The following RPE variants were observed in gnomAD, a reference collection of about 807,000 sequenced individuals.
RPE encodes the protein ribulose-5-phosphate-3-epimerase, also known as ribulose-phosphate 3-epimerase.
Under a neutral mutation model 24.6 loss-of-function variants are expected in RPE, and 16 were observed. The ratio of observed to expected loss-of-function variants is 0.65; its 90% CI spans 0.44 to 0.99. RPE has a LOEUF of 0.99. RPE is among the 50% of genes least tolerant of loss of function. The probability of loss-of-function intolerance (pLI) is 0.00; values close to 1 mark genes in which losing one functional copy is unlikely to be tolerated. For synonymous variants in RPE, 93 were observed against 98.4 expected, an observed-to-expected ratio of 0.94 and a Z score of 0.33; for missense variants, 240 against 294.5, an observed-to-expected ratio of 0.81 and a Z score of 1.35.
intron 2 of RPE, 76 bp downstream of exon 2, chr2:210,009,812 C>T: frequency 1.9e-6 from 3 of 1,586,234 alleles, no homozygotes; most frequent in Non-Finnish European, 2.6e-6. Flanking sequence ...ATTTTAACTT[C>T]CAAGTTCATC....
At chr2:210,013,738 C>T (rs991233657) in intron 2 of RPE, among the ~76,000 whole-genome samples, 3 of 152,272 alleles carry the variant, frequency 2.0e-5, no homozygotes, top group Admixed American at 2.0e-4. Flanking sequence ...CTCAAGCAAT[C>T]CACTTGCCTT....
intron 2 of RPE, among the ~76,000 whole-genome samples, chr2:210,010,376 A>T (rs758736713): frequency 6.6e-6 from 1 of 152,204 alleles, no homozygotes; most frequent in African/African-American, 2.4e-5. Context: ...CACCTGCCAG[A>T]TCTCTTAAAC....
At chr2:210,003,736 G>A (rs919687952) in intron 1 of RPE, among the ~76,000 whole-genome samples, 3 of 152,214 alleles carry the variant, frequency 2.0e-5, no homozygotes, top group African/African-American at 7.2e-5. Flanking sequence ...TTTTAAATAG[G>A]TAAAAACCCT....
At chr2:210,015,744 CTG>C (rs1436981141) in intron 2 of RPE, among the ~76,000 whole-genome samples, 3 of 152,130 alleles carry the variant, frequency 2.0e-5, no homozygotes, top group African/African-American at 7.2e-5. Context: ...ATATACAGCA[CTG>C]TATGCTTTTT....
chr2:210,017,986 C>G (rs2093801919), intron 5 of RPE: 1 of 664,910 alleles, frequency 1.5e-6, no homozygotes, highest in South Asian at 2.0e-5. Flanking sequence ...CTCAAGTGAC[C>G]TGCCTGCCTC....
intron 5 of RPE, chr2:210,018,069 A>G (rs779788072): frequency 5.8e-6 from 8 of 1,374,546 alleles, no homozygotes; most frequent in East Asian, 5.0e-5. Flanking sequence ...CTAAAATCAC[A>G]TAAATTGTTA....
chr2:210,019,524 T>G (rs2093828711), intron 5 of RPE, 145 bp from the exon 6 acceptor site: 1 of 861,270 alleles, frequency 1.2e-6, no homozygotes, highest in East Asian at 2.9e-5. Context: ...TGAACTAGAT[T>G]GCTTAAGTCT....
At chr2:210,009,174 G>A (rs1406157761) in intron 1 of RPE, among the ~76,000 whole-genome samples, 2 of 152,182 alleles carry the variant, frequency 1.3e-5, no homozygotes, top group South Asian at 2.1e-4. Flanking sequence ...AAAGGTGGTC[G>A]TTACTAATAA....
intron 2 of RPE, among the ~76,000 whole-genome samples, chr2:210,013,979 C>G (rs1432776889): frequency 6.6e-6 from 1 of 152,180 alleles, no homozygotes; most frequent in Non-Finnish European, 1.5e-5. Flanking sequence ...TCCCTGAACA[C>G]CATAGAACTT....
chr2:210,018,427 C>A, intron 5 of RPE: 1 of 983,320 alleles, frequency 1.0e-6, no homozygotes, highest in Non-Finnish European at 1.2e-6. Context: ...GCTAGTCTAG[C>A]ATAGTCAGGC....
intron 1 of RPE, among the ~76,000 whole-genome samples, chr2:210,008,771 C>T (rs1325841504): frequency 1.3e-5 from 2 of 152,174 alleles, no homozygotes; most frequent in Non-Finnish European, 2.9e-5. Flanking sequence ...TCTTGGCTCA[C>T]TGCACCCTCC....
chr2:210,018,410 T>C (rs2093809217), intron 5 of RPE: 1 of 984,734 alleles, frequency 1.0e-6, no homozygotes, highest in Non-Finnish European at 1.2e-6. Context: ...TTTTTTTTTT[T>C]CAGATAGCTA....
In RPE at chr2:210,009,743, G is replaced by T. The variant is rs995783376; in HGVS notation, c.202+7G>T. The T allele has an allele frequency of 2.5e-6, 4 of 1,613,980 alleles. No individual in the cohort carries two copies. The Admixed American group carries it at 5.0e-5, about 20-fold the overall frequency. ...GGCCAGGACCCTTTCTTTGGTAAGTGGGTGTTACGCCATCTGAAGCTGGAT... is the reference window on the plus strand; with the variant it reads ...GGCCAGGACCCTTTCTTTGGTAAGTTGGTGTTACGCCATCTGAAGCTGGAT... On this transcript the variant is annotated splice_region_variant and intron_variant, in intron 2 of 5. Coordinates refer to ENST00000359429, the MANE Select transcript of RPE (RefSeq NM_199229.3).
At chr2:210,004,201 T>G (rs2125049263) in intron 1 of RPE, among the ~76,000 whole-genome samples, 1 of 152,292 alleles carries the variant, frequency 6.6e-6, no homozygotes, top group South Asian at 2.1e-4. Flanking sequence ...GTGAGTCTAT[T>G]TGAGCAATTT....
At chr2:210,004,595 G>A (rs2093605541) in intron 1 of RPE, among the ~76,000 whole-genome samples, 1 of 152,210 alleles carries the variant, frequency 6.6e-6, no homozygotes, top group Admixed American at 6.5e-5. Flanking sequence ...AATAATTTGT[G>A]TATTTATTTC....
Position 210,009,751 on chromosome 2 carries a change from C to T in RPE, c.202+15C>T, listed in dbSNP as rs372790805. ...CCCTTTCTTTGGTAAGTGGGTGTTA[C>T]GCCATCTGAAGCTGGATGTGTTGCT... is the stretch of plus-strand genomic sequence containing the variant. On this transcript the variant is annotated intron_variant, in intron 2 of 5. Coordinates refer to ENST00000359429, the MANE Select transcript of RPE (RefSeq NM_199229.3). The T allele has an allele frequency of 1.3e-4, 207 of 1,613,918 alleles. No homozygotes were observed. The highest frequency in any genetic ancestry group is 1.6e-4 in the Non-Finnish European group (185 of 1,179,968).
intron 1 of RPE, among the ~76,000 whole-genome samples, chr2:210,008,886 G>A (rs1023108530): frequency 1.8e-4 from 28 of 151,994 alleles, no homozygotes; most frequent in African/African-American, 6.8e-4. Context: ...AGTAGAGACA[G>A]GGTTTCACTA....
At chr2:210,010,897 G>A (rs1188241968) in intron 2 of RPE, among the ~76,000 whole-genome samples, 1 of 151,638 alleles carries the variant, frequency 6.6e-6, no homozygotes, top group Non-Finnish European at 1.5e-5. Flanking sequence ...CAGCCTGAGT[G>A]ACAGTGTGAC....
In RPE at chr2:210,016,072, C is replaced by T. The variant is rs1283958005; in HGVS notation, c.302C>T (p.Pro101Leu). 8 of 1,614,074 alleles carry T rather than the reference C, an allele frequency of 5.0e-6. No homozygotes were observed. Among genetic ancestry groups the T allele is most frequent in the Non-Finnish European group, 6.8e-6 (8 of 1,180,054 alleles). The change falls in exon 3 of 6, where the codon CCA becomes CTA. Residue 101 changes from proline (P) to leucine (L), a missense_variant. Coordinates refer to ENST00000359429, the MANE Select transcript of RPE (RefSeq NM_199229.3). ...TTTCATCTCGAGGCTACTGAGAACCCAGGGGCTTTGATTAAAGACATTCGG... is the reference window on the plus strand; with the variant it reads ...TTTCATCTCGAGGCTACTGAGAACCTAGGGGCTTTGATTAAAGACATTCGG... ...YTFHLEATEN[P>L]GALIKDIREN... is the part of the protein sequence containing the mutation.
Sources: allele counts gnomAD v4.1 joint callset (sites outside exome capture counted in the v4.1 genomes callset), GRCh38; gene constraint gnomAD v4.1.1; transcripts MANE v1.5; gene names NCBI Gene and HGNC (gene_info 2026-07-23, HGNC 2026-07-21).